The following TSGA10 variants were observed in gnomAD, a reference collection of about 807,000 sequenced individuals.
TSGA10 encodes testis specific 10.
In TSGA10, 43 loss-of-function variants were observed where a neutral mutation model predicts 96.6. That is an observed-to-expected ratio of 0.44 (90% CI 0.35 to 0.57). The LOEUF is 0.57. Among genes scored for constraint, TSGA10 ranks in the 20% least tolerant of loss-of-function variants. The pLI, the probability that TSGA10 is intolerant of heterozygous loss-of-function variation, is 0.01. For synonymous variants in TSGA10, 229 were observed against 269.9 expected (o/e 0.85, Z 1.48); for missense variants, 703 against 834.4 (o/e 0.84, Z 1.94).
At position 99,074,000 on chromosome 2, in the gene TSGA10, C is replaced by CTTTTTTTTTTTTTTTTTT. The variant is rs1167854716; in HGVS notation, c.883-945_883-928dup. 3.6e-3 allele frequency among the ~76,000 whole-genome samples: 190 copies of CTTTTTTTTTTTTTTTTTT among 52,636 alleles called. 54 individuals carry two copies. The highest frequency in any genetic ancestry group is 7.2e-3 in the African/African-American group (96 of 13,352). The allele number at this position is 52,636 out of a possible 152,430, so 34.5% of individuals were successfully genotyped here. A position where few individuals can be genotyped will look rare whatever the true frequency, so the allele number is the denominator to read the frequency against. On this transcript the variant is annotated intron_variant, in intron 12 of 20. Transcript: ENST00000393483. ...AACCAATTCTGTTCCTGTTTCTTTT[C>CTTTTTTTTTTTTTTTTTT]TTTTTTTTTTTTTTTTTTTTTTTTT...
At chr2:99,096,231 A>G (rs915984102) in intron 10 of TSGA10, among the ~76,000 whole-genome samples, 2 of 152,270 alleles carry the variant, frequency 1.3e-5, no homozygotes, top group Non-Finnish European at 2.9e-5. Flanking sequence ...GTTTATCAAG[A>G]GTAGTTTGAA....
At chr2:99,045,793 T>C (rs565386015) in intron 16 of TSGA10, among the ~76,000 whole-genome samples, 38 of 152,196 alleles carry the variant, frequency 2.5e-4, no homozygotes, top group Non-Finnish European at 4.6e-4. Flanking sequence ...ACTGGCAAAT[T>C]TGATAGAGTC....
chr2:99,150,336 C>A, intron 1 of TSGA10: 1 of 510,396 alleles, frequency 2.0e-6, no homozygotes, highest in Non-Finnish European at 3.4e-6. Context: ...CAAACCCTCC[C>A]ACAAAGAAAA....
At position 99,065,051 on chromosome 2, in the gene TSGA10, G is replaced by A. The variant is rs767413932; in HGVS notation, c.1292C>T (p.Ala431Val). 1.2e-6 allele frequency: 2 copies of A among 1,613,782 alleles called. No individual in the cohort carries two copies. Among genetic ancestry groups the A allele is most frequent in the Admixed American group, 1.7e-5 (1 of 59,990 alleles). Residue 431 changes from alanine to valine, a missense_variant, in exon 16 of 21, where the codon GCC (alanine) becomes GTC (valine). Around this residue, in one of 3 missense-constraint regions of TSGA10, gnomAD observed 585 missense variants for 656.8 expected, o/e 0.89. Transcript: ENST00000393483. ...ATTGTTATCTGCCTCTGATTGACGG[G>A]CTTTATTTTCCCAGTTTTCAGCATC... ...NEDAENWENKARQSEADNNTL... is the reference protein window; with the variant it reads ...NEDAENWENKVRQSEADNNTL...
intron 20 of TSGA10, among the ~76,000 whole-genome samples, chr2:99,010,463 C>A (rs2078909791): frequency 6.6e-6 from 1 of 152,248 alleles, no homozygotes; most frequent in African/African-American, 2.4e-5. Context: ...CACGTCCCCA[C>A]TGGGGAATCT....
At chr2:99,072,584 TCTG>T (rs1418856440) in intron 13 of TSGA10, among the ~76,000 whole-genome samples, 2 of 152,334 alleles carry the variant, frequency 1.3e-5, no homozygotes, top group Non-Finnish European at 2.9e-5. Flanking sequence ...CACCACCTCT[TCTG>T]CTTAGGTATC....
At chr2:99,032,222 G>C (rs2081200048) in intron 17 of TSGA10, among the ~76,000 whole-genome samples, 1 of 152,078 alleles carries the variant, frequency 6.6e-6, no homozygotes, top group African/African-American at 2.4e-5. Context: ...ACTTGTCTCA[G>C]TCATAGTTTT....
intron 17 of TSGA10, among the ~76,000 whole-genome samples, chr2:99,031,817 C>T (rs776049499): frequency 6.6e-6 from 1 of 152,188 alleles, no homozygotes. Context: ...AGGAGTGGAA[C>T]CCTATTGTGT....
At chr2:99,097,615 A>G (rs1475006619) in intron 10 of TSGA10, among the ~76,000 whole-genome samples, 4 of 152,164 alleles carry the variant, frequency 2.6e-5, no homozygotes, top group Non-Finnish European at 4.4e-5. Flanking sequence ...AAAACAATAA[A>G]ATGATTTTTT....
At chr2:99,072,919 C>A in intron 13 of TSGA10, 99 bp downstream of exon 13, 2 of 809,616 alleles carry the variant, frequency 2.5e-6, no homozygotes, top group Non-Finnish European at 4.2e-6. Flanking sequence ...TAGCACCTTA[C>A]ACGTATCATT....
chr2:99,102,700 T>A, intron 10 of TSGA10: 1 of 1,612,736 alleles, frequency 6.2e-7, no homozygotes, highest in Non-Finnish European at 8.5e-7. Context: ...ATTGATGTGA[T>A]CACAGCGGAG....
At chr2:99,056,214 A>G (rs933084514) in intron 16 of TSGA10, among the ~76,000 whole-genome samples, 1 of 152,152 alleles carries the variant, frequency 6.6e-6, no homozygotes, top group African/African-American at 2.4e-5. Context: ...CAAAAAAAAA[A>G]AGAAAATAAC....
chr2:99,003,109 G>C (rs566748714), intron 20 of TSGA10, among the ~76,000 whole-genome samples: 1 of 152,112 alleles, frequency 6.6e-6, no homozygotes, highest in East Asian at 1.9e-4. Flanking sequence ...CACCTGCCTC[G>C]GCCTCCCAAA....
In TSGA10 at chr2:99,036,048, C is replaced by T. The variant is rs372797289; in HGVS notation, c.1405-609G>A. Reference sequence around the variant, plus strand: ...GAGATTCAAGTTACATAAATGCTTTCGAATGTTCAAGATAATTCCACCCCC... The same window carrying T: ...GAGATTCAAGTTACATAAATGCTTTTGAATGTTCAAGATAATTCCACCCCC... On this transcript the variant is annotated intron_variant, in intron 16 of 20. Coordinates refer to ENST00000393483, the MANE Select transcript of TSGA10 (RefSeq NM_025244.4). Among the ~76,000 whole-genome samples the T allele has an allele frequency of 3.3e-5, 5 of 152,092 alleles. No individual in the cohort carries two copies. In the East Asian group the frequency reaches 7.7e-4, roughly 23 times the overall value.
intron 1 of TSGA10, among the ~76,000 whole-genome samples, chr2:99,150,107 T>C (rs1421833981): frequency 3.9e-5 from 6 of 152,200 alleles, no homozygotes; most frequent in African/African-American, 1.2e-4. Flanking sequence ...CAAGTATCTT[T>C]ATAGGACATC....
intron 1 of TSGA10, 64 bp downstream of exon 1, chr2:99,154,628 TG>T: frequency 1.1e-5 from 2 of 186,690 alleles, no homozygotes; most frequent in Non-Finnish European, 2.3e-5. Flanking sequence ...TCTGGGCTTC[TG>T]GGGGCTCCCC....
chr2:98,998,264 C>A, intron 20 of TSGA10, 43 bp from the exon 21 acceptor site: 1 of 1,526,258 alleles, frequency 6.6e-7, no homozygotes, highest in Non-Finnish European at 8.9e-7. Flanking sequence ...TTTAATTCAA[C>A]TTTTTCAACA....
intron 5 of TSGA10, among the ~76,000 whole-genome samples, chr2:99,109,801 TTA>T (rs1271445947): frequency 4.6e-5 from 7 of 152,294 alleles, no homozygotes; most frequent in Admixed American, 4.6e-4. Context: ...TAAAGAAATT[TTA>T]GAGAGGCCAG....
At chr2:99,099,733 C>G (rs114313747) in intron 10 of TSGA10, among the ~76,000 whole-genome samples, 10 of 151,504 alleles carry the variant, frequency 6.6e-5, no homozygotes, top group African/African-American at 2.4e-4. Context: ...TATAACAAGG[C>G]AAGAAAAATA....
Sources: gnomAD v4.1 joint callset for allele counts (sites outside exome capture counted in the v4.1 genomes callset) on GRCh38, gnomAD v4.1.1 for gene constraint, gnomAD v4.1.1 regional missense constraint, MANE v1.5 for transcripts, NCBI Gene and HGNC (gene_info 2026-07-23, HGNC 2026-07-21) for gene names.